Variants in TENM2 observed in about 807,000 individuals in gnomAD.
TENM2 encodes teneurin transmembrane protein 2, also known as teneurin-2.
Under a neutral mutation model 245.2 loss-of-function variants are expected in TENM2, and 52 were observed. The observed-to-expected ratio is 0.21, with a 90% confidence interval of 0.17 to 0.27. The LOEUF (loss-of-function observed/expected upper bound fraction) is 0.27, where lower values mean the gene tolerates loss of function less well. TENM2 is among the 10% of genes least tolerant of loss of function. The pLI, the probability that TENM2 is intolerant of heterozygous loss-of-function variation, is 1.00. For synonymous variants in TENM2, 1,363 were observed against 1,438.9 expected, an observed-to-expected ratio of 0.95 and a Z score of 1.19; for missense variants, 3,046 against 3,666.8, an observed-to-expected ratio of 0.83 and a Z score of 4.37.
chr5:168,168,199 T>C (rs1758477374), intron 13 of TENM2, among the ~76,000 whole-genome samples: 1 of 152,236 alleles, frequency 6.6e-6, no homozygotes, highest in African/African-American at 2.4e-5. Flanking sequence ...GAGTGTCTGA[T>C]ACAAGTGTGT....
chr5:168,216,668 G>T, intron 21 of TENM2, 100 bp from the exon 24 acceptor site: 1 of 1,137,108 alleles, frequency 8.8e-7, no homozygotes, highest in South Asian at 1.3e-5. Flanking sequence ...TAAGGTCTCT[G>T]GTCTAAGCAG....
chr5:167,330,845 A>G (rs1045004637), intron 1 of TENM2, among the ~76,000 whole-genome samples: 3 of 152,186 alleles, frequency 2.0e-5, no homozygotes, highest in Non-Finnish European at 4.4e-5. Context: ...TTTTGAGGAC[A>G]GGGAGTACGT....
chr5:167,872,837 A>G (rs1296039479), intron 2 of TENM2, among the ~76,000 whole-genome samples: 1 of 152,248 alleles, frequency 6.6e-6, no homozygotes, highest in Non-Finnish European at 1.5e-5. Flanking sequence ...ACTATATGAA[A>G]TGAATTCATG....
the TENM2 span, among the ~76,000 whole-genome samples, chr5:167,124,917 G>A: frequency 4.6e-5 from 7 of 152,104 alleles, no homozygotes; most frequent in African/African-American, 9.7e-5. Context: ...TTCATCATGG[G>A]CATCACAGTT....
At chr5:168,035,351 G>T (rs574321782) in intron 5 of TENM2, among the ~76,000 whole-genome samples, 4 of 152,198 alleles carry the variant, frequency 2.6e-5, no homozygotes, top group African/African-American at 9.6e-5. Flanking sequence ...ACAAAAATTG[G>T]CTAGACATGG....
chr5:167,958,456 T>C (rs144533586), intron 4 of TENM2, among the ~76,000 whole-genome samples: 3,321 of 152,290 alleles, frequency 0.022, 109 homozygotes, highest in African/African-American at 0.074. Context: ...TGTCTTTTAA[T>C]TGGGGCATCT....
intron 2 of TENM2, among the ~76,000 whole-genome samples, chr5:167,462,092 TGCATACATAC>T (rs1766330556): frequency 6.6e-6 from 1 of 151,304 alleles, no homozygotes; most frequent in South Asian, 2.1e-4. Context: ...CATACATACA[TGCATACATAC>T]ATACACACAT....
At chr5:167,032,322 G>A in the TENM2 span, among the ~76,000 whole-genome samples, 1 of 152,156 alleles carries the variant, frequency 6.6e-6, no homozygotes, top group Non-Finnish European at 1.5e-5. Context: ...CTCTCCTTAC[G>A]ATTCAGTGGG....
chr5:168,014,465 A>G (rs1211014731), intron 5 of TENM2, among the ~76,000 whole-genome samples: 1 of 152,154 alleles, frequency 6.6e-6, no homozygotes, highest in African/African-American at 2.4e-5. Flanking sequence ...AACCACAGCT[A>G]TCTTCATCTC....
intron 2 of TENM2, among the ~76,000 whole-genome samples, chr5:167,655,493 A>G (rs746466336): frequency 4.6e-5 from 7 of 152,200 alleles, no homozygotes; most frequent in East Asian, 1.9e-4. Context: ...ACTTTAGTTC[A>G]GTTAGAATCT....
At chr5:167,076,489 G>C in the TENM2 span, among the ~76,000 whole-genome samples, 1 of 152,094 alleles carries the variant, frequency 6.6e-6, no homozygotes, top group African/African-American at 2.4e-5. Flanking sequence ...AAAATCAAGA[G>C]ACCTACATAG....
At chr5:168,161,108 G>T (rs1344519589) in intron 12 of TENM2, among the ~76,000 whole-genome samples, 5 of 152,176 alleles carry the variant, frequency 3.3e-5, no homozygotes, top group African/African-American at 1.2e-4. Flanking sequence ...AAAGAAGGAA[G>T]ATGCTAGGTG....
intron 2 of TENM2, among the ~76,000 whole-genome samples, chr5:167,534,915 T>A: frequency 6.6e-6 from 1 of 152,208 alleles, no homozygotes; most frequent in East Asian, 1.9e-4. Flanking sequence ...AATTTCTCCT[T>A]AACATGATTC....
At chr5:168,122,499 G>A (rs1264059557) in intron 10 of TENM2, among the ~76,000 whole-genome samples, 2 of 152,198 alleles carry the variant, frequency 1.3e-5, no homozygotes, top group Admixed American at 6.5e-5. Flanking sequence ...CTATGTGTTC[G>A]ATGCTTTCAG....
At chr5:167,927,451 G>A (rs1246836475) in intron 3 of TENM2, among the ~76,000 whole-genome samples, 1 of 152,158 alleles carries the variant, frequency 6.6e-6, no homozygotes, top group Non-Finnish European at 1.5e-5. Flanking sequence ...TAATGCAGCG[G>A]TGCTAATGTA....
the TENM2 span, among the ~76,000 whole-genome samples, chr5:167,106,729 C>T: frequency 6.7e-6 from 1 of 149,794 alleles, no homozygotes; most frequent in Non-Finnish European, 1.5e-5. Context: ...CAGTGAAAGC[C>T]TGAGCTGGGC....
chr5:167,223,635 C>A, the TENM2 span, among the ~76,000 whole-genome samples: 3 of 152,192 alleles, frequency 2.0e-5, no homozygotes, highest in South Asian at 6.2e-4. Context: ...TTTGCTATTA[C>A]AAATACTGCT....
At chr5:167,671,774 T>A (rs1755961893) in intron 2 of TENM2, among the ~76,000 whole-genome samples, 2 of 149,580 alleles carry the variant, frequency 1.3e-5, no homozygotes, top group Admixed American at 6.7e-5. Context: ...ATATATATAT[T>A]ATATATTTAT....
At chr5:167,006,836 T>C in the TENM2 span, among the ~76,000 whole-genome samples, 41 of 152,122 alleles carry the variant, frequency 2.7e-4, no homozygotes, top group African/African-American at 9.6e-4. Flanking sequence ...CTGGCTAATT[T>C]TGTATTTTTG....
Sources: allele counts gnomAD v4.1 joint callset (sites outside exome capture counted in the v4.1 genomes callset), GRCh38; gene constraint gnomAD v4.1.1; transcripts MANE v1.5; gene names NCBI Gene and HGNC (gene_info 2026-07-23, HGNC 2026-07-21).